Variants in ZNF143 observed in about 807,000 individuals in gnomAD.
ZNF143 encodes zinc finger protein 143.
In ZNF143, 49 loss-of-function variants were observed where a neutral mutation model predicts 74.1. That is an observed-to-expected ratio of 0.66 (90% CI 0.53 to 0.84). The LOEUF (loss-of-function observed/expected upper bound fraction) is 0.84. Among genes scored for constraint, ZNF143 ranks in the 40% least tolerant of loss-of-function variants. The pLI, the probability that ZNF143 is intolerant of heterozygous loss-of-function variation, is 0.00. For synonymous variants in ZNF143, 304 were observed against 282.8 expected (o/e 1.07, Z -0.75); for missense variants, 637 against 793.4 (o/e 0.80, Z 2.37).
intron 13 of ZNF143, among the ~76,000 whole-genome samples, chr11:9,514,151 G>A (rs1281232447): frequency 6.6e-6 from 1 of 152,160 alleles, no homozygotes; most frequent in Non-Finnish European, 1.5e-5. Context: ...TCCTGCGTCA[G>A]CCTCCCAGAG....
At chr11:9,504,011 G>A (rs1334705453) in intron 11 of ZNF143, among the ~76,000 whole-genome samples, 3 of 104,418 alleles carry the variant, frequency 2.9e-5, no homozygotes, top group Non-Finnish European at 5.8e-5. Flanking sequence ...TCAGGCTGGA[G>A]TGCAGTGGCG....
At chr11:9,513,640 A>T (rs1848628048) in intron 13 of ZNF143, among the ~76,000 whole-genome samples, 1 of 152,244 alleles carries the variant, frequency 6.6e-6, no homozygotes, top group Admixed American at 6.5e-5. Context: ...TTACGCCTAT[A>T]ATCACAGCAC....
intron 3 of ZNF143, among the ~76,000 whole-genome samples, chr11:9,472,982 A>C (rs1856673493): frequency 6.6e-6 from 1 of 151,878 alleles, no homozygotes; most frequent in South Asian, 2.1e-4. Flanking sequence ...TGGGATATCA[A>C]AATTAGTGGG....
chr11:9,469,960 G>C (rs543266475), intron 1 of ZNF143, among the ~76,000 whole-genome samples: 6 of 152,292 alleles, frequency 3.9e-5, no homozygotes, highest in Admixed American at 3.3e-4. Context: ...AATTCTTCAA[G>C]CAATCCTAAA....
At chr11:9,523,952 G>A (rs1849034225) in intron 14 of ZNF143, among the ~76,000 whole-genome samples, 1 of 150,868 alleles carries the variant, frequency 6.6e-6, no homozygotes, top group African/African-American at 2.4e-5. Context: ...GGAGGCTGAG[G>A]CAGAAGAATC....
At chr11:9,475,954 G>GTGTGTA (rs1258280284) in intron 5 of ZNF143, among the ~76,000 whole-genome samples, 4 of 150,460 alleles carry the variant, frequency 2.7e-5, no homozygotes, top group Non-Finnish European at 5.9e-5. Flanking sequence ...GTGTGTGTGT[G>GTGTGTA]TATAAAATTT....
intron 1 of ZNF143, among the ~76,000 whole-genome samples, 168 bp downstream of exon 1, chr11:9,461,244 C>T (rs1220866410): frequency 6.6e-6 from 1 of 152,130 alleles, no homozygotes; most frequent in African/African-American, 2.4e-5. Context: ...GGCGTCTGGG[C>T]AGAAGCGGAG....
rs760307942 is a variant in ZNF143 at position 9,508,818 on chromosome 11, G to T, written c.1347G>T (p.Glu449Asp). The T allele has an allele frequency of 6.3e-7, 1 of 1,599,732 alleles. No individual in the cohort carries two copies. Among genetic ancestry groups the T allele is most frequent in the African/African-American group, 1.3e-5 (1 of 74,562 alleles). Reference protein sequence around the residue: ...AHNDTEPIEEEQEAFFEPPPG... With the variant: ...AHNDTEPIEEDQEAFFEPPPG... ...ACGACACTGAGCCCATCGAGGAGGA[G>T]CAGGAAGCCTTCTTTGAGCCGCCCC... The change falls in exon 12 of 16, where the codon GAG becomes GAT. Residue 449 changes from glutamate to aspartate, a missense_variant. This residue lies in a region of ZNF143 where 344 missense variants were observed against 485.6 expected (regional missense o/e 0.71). Coordinates refer to ENST00000396602, the MANE Select transcript of ZNF143 (RefSeq NM_003442.6).
At chr11:9,524,590 C>G (rs1256659075) in intron 14 of ZNF143, among the ~76,000 whole-genome samples, 1 of 152,126 alleles carries the variant, frequency 6.6e-6, no homozygotes, top group African/African-American at 2.4e-5. Flanking sequence ...AGAATATCAT[C>G]TAACAGAAAT....
In ZNF143 at chr11:9,463,505, T is replaced by G. The variant is rs147549468; in HGVS notation, c.-8+2429T>G. 3.9e-3 allele frequency among the ~76,000 whole-genome samples: 590 copies of G among 152,320 alleles called. 2 individuals carry two copies. The highest frequency in any genetic ancestry group is 0.014 in the Middle Eastern group (4 of 294). On this transcript the variant is annotated intron_variant, in intron 1 of 15. Coordinates refer to ENST00000396602, the MANE Select transcript of ZNF143 (RefSeq NM_003442.6). ...GGATGAAATGGTGTCTCTTGTAGGT[T>G]TGGTTTGCCTGTCTCTGATGGTTAA...
chr11:9,502,129 T>C (rs943679679), intron 11 of ZNF143, among the ~76,000 whole-genome samples: 3 of 149,066 alleles, frequency 2.0e-5, no homozygotes, highest in Non-Finnish European at 4.5e-5. Context: ...AGAGACGGGG[T>C]TTCTCCATGT....
chr11:9,527,510 T>G lies in ZNF143; in HGVS notation c.1834-20T>G. Reference sequence around the variant, plus strand: ...TGGCTTTTGAATTGTTAGCGTTTGATGTGTGTGTTCCTGTTTCAGCTTGGA... The same window carrying G: ...TGGCTTTTGAATTGTTAGCGTTTGAGGTGTGTGTTCCTGTTTCAGCTTGGA... On this transcript the variant is annotated intron_variant, in intron 15 of 15. Transcript: ENST00000396602. 1 of 1,611,500 alleles carries G rather than the reference T, an allele frequency of 6.2e-7. No individual in the cohort carries two copies. Among genetic ancestry groups the G allele is most frequent in the Non-Finnish European group, 8.5e-7 (1 of 1,177,842 alleles).
At chr11:9,494,240 C>T (rs1236510223) in intron 7 of ZNF143, among the ~76,000 whole-genome samples, 3 of 152,144 alleles carry the variant, frequency 2.0e-5, no homozygotes, top group Non-Finnish European at 4.4e-5. Flanking sequence ...GATTGGAAAC[C>T]CACATAACAG....
chr11:9,469,455 C>T (rs1174651638), intron 1 of ZNF143, among the ~76,000 whole-genome samples: 1 of 151,992 alleles, frequency 6.6e-6, no homozygotes, highest in African/African-American at 2.4e-5. Flanking sequence ...TGATATGGAA[C>T]TCCTGACCTC....
At chr11:9,494,014 GATGGATCACTTGAGT>G (rs1554965636) in intron 7 of ZNF143, among the ~76,000 whole-genome samples, 1 of 152,168 alleles carries the variant, frequency 6.6e-6, no homozygotes, top group Non-Finnish European at 1.5e-5. Flanking sequence ...AAGGCAGGTA[GATGGATCACTTGAGT>G]ATATTAAGGA....
intron 7 of ZNF143, among the ~76,000 whole-genome samples, chr11:9,487,539 A>G (rs1847607224): frequency 6.6e-6 from 1 of 151,284 alleles, no homozygotes; most frequent in Non-Finnish European, 1.5e-5. Flanking sequence ...TTGTATTTTT[A>G]GTAGAGATGG....
intron 8 of ZNF143, 134 bp from the exon 9 acceptor site, chr11:9,496,169 A>C: frequency 1.4e-6 from 1 of 710,394 alleles, no homozygotes; most frequent in South Asian, 1.8e-5. Flanking sequence ...CGTTTTTGTG[A>C]AGTTATCTTT....
At chr11:9,492,446 A>G (rs942900663) in intron 7 of ZNF143, among the ~76,000 whole-genome samples, 3 of 151,468 alleles carry the variant, frequency 2.0e-5, no homozygotes, top group African/African-American at 2.4e-5. Flanking sequence ...ACAGGGTTTC[A>G]CTGTGTTTGT....
At chr11:9,479,092 T>A (rs921078880) in intron 6 of ZNF143, among the ~76,000 whole-genome samples, 94 of 152,172 alleles carry the variant, frequency 6.2e-4, no homozygotes, top group African/African-American at 2.2e-3. Context: ...TTTTTTCCCC[T>A]GCATTGAACA....
Sources: allele counts gnomAD v4.1 joint callset (sites outside exome capture counted in the v4.1 genomes callset), GRCh38; gene constraint gnomAD v4.1.1; regional missense constraint gnomAD v4.1.1; transcripts MANE v1.5; gene names NCBI Gene and HGNC (gene_info 2026-07-23, HGNC 2026-07-21).